The following TMEM132B variants were observed in gnomAD, a reference collection of about 807,000 sequenced individuals.
TMEM132B encodes transmembrane protein 132B.
In TMEM132B, 18 loss-of-function variants were observed where a neutral mutation model predicts 90.8. The observed-to-expected ratio is 0.20, with a 90% CI of 0.14 to 0.29. The LOEUF is 0.29. Ranked by LOEUF, TMEM132B falls within the 10% of genes least tolerant of loss-of-function variation. The pLI is 1.00. For missense variants in TMEM132B, 1,096 were observed against 1,326.8 expected, an observed-to-expected ratio of 0.83 and a Z score of 2.70; for synonymous variants, 504 against 523.3, an observed-to-expected ratio of 0.96 and a Z score of 0.50.
intron 1 of TMEM132B, among the ~76,000 whole-genome samples, chr12:125,326,852 T>C (rs375222): frequency 0.68 from 103,770 of 152,036 alleles, 36,342 homozygotes; most frequent in African/African-American, 0.82. Flanking sequence ...TCTTGCCACC[T>C]TGTTACTATT....
At chr12:125,530,912 G>GCTCA (rs1477244004) in intron 4 of TMEM132B, among the ~76,000 whole-genome samples, 2 of 152,232 alleles carry the variant, frequency 1.3e-5, no homozygotes, top group Non-Finnish European at 2.9e-5. Flanking sequence ...GGGGACACTA[G>GCTCA]CTCACTATAG....
At chr12:125,212,900 T>A (rs1873352273) in intron 1 of TMEM132B, among the ~76,000 whole-genome samples, 1 of 148,702 alleles carries the variant, frequency 6.7e-6, no homozygotes, top group Non-Finnish European at 1.5e-5. Context: ...TTTCACTTCA[T>A]TTTTTTTTTT....
At chr12:125,362,868 A>G (rs549047851) in intron 2 of TMEM132B, among the ~76,000 whole-genome samples, 28 of 152,352 alleles carry the variant, frequency 1.8e-4, no homozygotes, top group African/African-American at 6.7e-4. Flanking sequence ...ATTGCTTCGA[A>G]GGGGTAACCA....
intron 1 of TMEM132B, among the ~76,000 whole-genome samples, chr12:125,345,025 G>C (rs534763865): frequency 2.5e-4 from 38 of 152,240 alleles, no homozygotes; most frequent in African/African-American, 8.2e-4. Context: ...AATCAGTAAG[G>C]GTTGTGATTA....
intron 2 of TMEM132B, among the ~76,000 whole-genome samples, chr12:125,412,531 A>T (rs1375723006): frequency 1.3e-5 from 2 of 152,200 alleles, no homozygotes; most frequent in African/African-American, 4.8e-5. Context: ...TGGCTCTGCC[A>T]GAACCAGCTG....
intron 2 of TMEM132B, among the ~76,000 whole-genome samples, chr12:125,374,149 G>A (rs1356018126): frequency 1.3e-5 from 2 of 152,210 alleles, no homozygotes; most frequent in Non-Finnish European, 2.9e-5. Context: ...CCACTCCTTG[G>A]CAGATGTGTG....
intron 2 of TMEM132B, among the ~76,000 whole-genome samples, chr12:125,385,846 C>A (rs1376712512): frequency 6.6e-6 from 1 of 152,160 alleles, no homozygotes; most frequent in East Asian, 1.9e-4. Flanking sequence ...TATTTGCCAG[C>A]CATTGCTTTT....
Position 125,491,203 on chromosome 12 carries a change from T to C in TMEM132B, c.1107-28236T>C, listed in dbSNP as rs548541758. Among the ~76,000 whole-genome samples the C allele has an allele frequency of 1.3e-3, 200 of 152,244 alleles. 1 individual carries two copies. Among genetic ancestry groups the C allele is most frequent in the Non-Finnish European group, 2.4e-3 (164 of 68,014 alleles). ...TTTAATCTCCTAAATTTTGGGATAA[T>C]TTGCTATTAGCAAAAGCCTGTGTTA... On this transcript the variant is annotated intron_variant, in intron 3 of 8. Transcript: ENST00000682704.
intron 1 of TMEM132B, among the ~76,000 whole-genome samples, chr12:125,242,005 T>A (rs1874080563): frequency 6.6e-6 from 1 of 152,164 alleles, no homozygotes; most frequent in South Asian, 2.1e-4. Context: ...TAGCAGGTCC[T>A]CCAAAGATCT....
intron 6 of TMEM132B, among the ~76,000 whole-genome samples, chr12:125,649,248 T>C (rs1886845258): frequency 6.6e-6 from 1 of 152,192 alleles, no homozygotes; most frequent in Non-Finnish European, 1.5e-5. Flanking sequence ...GTTTCAGAAG[T>C]CAAATGGAGC....
chr12:125,371,333 C>G (rs545644222), intron 2 of TMEM132B, among the ~76,000 whole-genome samples: 1 of 152,164 alleles, frequency 6.6e-6, no homozygotes, highest in African/African-American at 2.4e-5. Context: ...GACAATCCTT[C>G]AATCAAGTTG....
At chr12:125,266,558 T>C (rs935666698) in intron 1 of TMEM132B, among the ~76,000 whole-genome samples, 1 of 152,170 alleles carries the variant, frequency 6.6e-6, no homozygotes, top group Non-Finnish European at 1.5e-5. Context: ...CCAGGCCTGC[T>C]CACAGAGATC....
At chr12:125,488,673 T>C (rs1217431412) in intron 3 of TMEM132B, among the ~76,000 whole-genome samples, 1 of 152,174 alleles carries the variant, frequency 6.6e-6, no homozygotes, top group Non-Finnish European at 1.5e-5. Flanking sequence ...TTAAACCTCT[T>C]TTTCTTCCCA....
chr12:125,531,111 C>T (rs1883634842), intron 4 of TMEM132B, among the ~76,000 whole-genome samples: 1 of 152,228 alleles, frequency 6.6e-6, no homozygotes, highest in Non-Finnish European at 1.5e-5. Context: ...CTGGACTCTG[C>T]TAATCAGGAC....
At chr12:125,495,653 T>G (rs1882542488) in intron 3 of TMEM132B, among the ~76,000 whole-genome samples, 1 of 152,232 alleles carries the variant, frequency 6.6e-6, no homozygotes, top group Non-Finnish European at 1.5e-5. Context: ...TGGTTCCTGC[T>G]GGGATCACTG....
intron 1 of TMEM132B, among the ~76,000 whole-genome samples, chr12:125,279,880 G>A (rs934322501): frequency 6.6e-6 from 1 of 152,174 alleles, no homozygotes; most frequent in Non-Finnish European, 1.5e-5. Context: ...AATGATACAT[G>A]TATCAGTGAT....
intron 3 of TMEM132B, among the ~76,000 whole-genome samples, chr12:125,481,764 T>C (rs1158515173): frequency 6.6e-6 from 1 of 152,156 alleles, no homozygotes; most frequent in Non-Finnish European, 1.5e-5. Flanking sequence ...TTAAAGTTCA[T>C]ATGGAACCAA....
chr12:125,506,214 C>T lies in TMEM132B; in HGVS notation c.1107-13225C>T, dbSNP rs535249424. On this transcript the variant is annotated intron_variant, in intron 3 of 8. Transcript: ENST00000682704. ...GAAAGGAGCTTGCTACTGATGGGCA[C>T]ACAAACATGGATTAACCATCAAAGC... Among the ~76,000 whole-genome samples, 9 of 152,312 alleles carry T rather than the reference C, an allele frequency of 5.9e-5. 1 individual carries two copies. In the South Asian group the frequency reaches 1.9e-3, roughly 32 times the overall value.
At chr12:125,373,222 G>A (rs147698151) in intron 2 of TMEM132B, among the ~76,000 whole-genome samples, 5 of 152,288 alleles carry the variant, frequency 3.3e-5, no homozygotes, top group African/African-American at 7.2e-5. Flanking sequence ...GGAACCACAC[G>A]CCTTTACATC....
Sources: allele counts gnomAD v4.1 joint callset (sites outside exome capture counted in the v4.1 genomes callset), GRCh38; gene constraint gnomAD v4.1.1; transcripts MANE v1.5; gene names NCBI Gene and HGNC (gene_info 2026-07-23, HGNC 2026-07-21).